PC: variants seen among roughly 807,000 people sequenced by gnomAD.
The protein encoded by PC is pyruvate carboxylase.
PC carries 46 observed loss-of-function variants against 107.8 expected under a neutral mutation model. The observed-to-expected ratio is 0.43, with a 90% confidence interval of 0.34 to 0.55. The LOEUF (loss-of-function observed/expected upper bound fraction) is 0.55, where lower values mean the gene tolerates loss of function less well. PC is among the 20% of genes least tolerant of loss of function. The probability of loss-of-function intolerance (pLI) is 0.04; values close to 1 mark genes in which losing one functional copy is unlikely to be tolerated. For synonymous variants in PC, 662 were observed against 684.7 expected (o/e 0.97, Z 0.52); for missense variants, 1,241 against 1,643.1 (o/e 0.76, Z 4.23).
In PC at chr11:66,850,005, C is replaced by G. The variant is rs747039077; in HGVS notation, c.2830G>C (p.Val944Leu). ...QAEELSFPRSVVEFLQGYIGV... is the reference protein window; with the variant it reads ...QAEELSFPRSLVEFLQGYIGV... ...ATGTAGCCCTGCAGGAACTCCACCACGGAGCGGGGAAAGGACAGCTCTTCC... is the reference window on the plus strand; with the variant it reads ...ATGTAGCCCTGCAGGAACTCCACCAGGGAGCGGGGAAAGGACAGCTCTTCC... Residue 944 changes from valine to leucine, a missense_variant, in exon 20 of 23, where the codon GTG (valine) becomes CTG (leucine). Around this residue, in one of 2 missense-constraint regions of PC, gnomAD observed 1,143 missense variants for 1,551.9 expected, o/e 0.74. Coordinates refer to ENST00000393960, the MANE Select transcript of PC (RefSeq NM_001040716.2). 2 of 1,613,684 alleles carry G rather than the reference C, an allele frequency of 1.2e-6. No homozygotes were observed. Among genetic ancestry groups the G allele is most frequent in the Non-Finnish European group, 1.7e-6 (2 of 1,180,036 alleles).
rs1949506498 is a variant in PC at position 66,954,293 on chromosome 11, T to G, written c.-84A>C. ...AAAGAGCCCAACAGGTGGAATCATA[T>G]TAGAGAGTCTTGAACGCCAAGATGA... On this transcript the variant is annotated 5_prime_UTR_variant, in exon 2 of 23. Coordinates refer to ENST00000393960, the MANE Select transcript of PC (RefSeq NM_001040716.2). The G allele has an allele frequency of 6.6e-6, 1 of 152,244 alleles. No homozygotes were observed. The highest frequency in any genetic ancestry group is 2.4e-5 in the African/African-American group (1 of 41,440). 9.4% of individuals were successfully genotyped at this position (152,244 alleles called of 1,614,324 possible).
chr11:66,866,117 C>T lies in PC; in HGVS notation c.1185+70G>A. 1.3e-6 allele frequency: 2 copies of T among 1,543,050 alleles called. No homozygotes were observed. Among genetic ancestry groups the T allele is most frequent in the Non-Finnish European group, 1.8e-6 (2 of 1,137,064 alleles). On this transcript the variant is annotated intron_variant, in intron 11 of 22. Transcript: ENST00000393960. The surrounding 1 kb of genome is among the most constrained non-coding windows in gnomAD (Gnocchi z 5.4). ...GCCGGGCTGTGGCAACTTGGCACTG[C>T]AGCCCCAGGCACCAGGCAGAACCTG...
Position 66,858,575 on chromosome 11 carries a change from C to A in PC, c.1369-5192G>T. On this transcript the variant is annotated intron_variant, in intron 12 of 22. Transcript: ENST00000393960. The surrounding 1 kb of genome is among the most constrained non-coding windows in gnomAD (Gnocchi z 5.9). ...GGGCAGTGCCCGAGGGCGAGTTCTC[C>A]TGTGAGCCGCCCCTCATTGCCCGCC... The A allele has an allele frequency of 6.5e-7, 1 of 1,532,980 alleles. No homozygotes were observed. Among genetic ancestry groups the A allele is most frequent in the Non-Finnish European group, 8.7e-7 (1 of 1,143,914 alleles). 95.0% of individuals were successfully genotyped at this position (1,532,980 alleles called of 1,614,324 possible). A position where few individuals can be genotyped will look rare whatever the true frequency, so the allele number is the denominator to read the frequency against.
chr11:66,851,642 C>T (rs1057409743), intron 16 of PC, 148 bp downstream of exon 16: 44 of 864,952 alleles, frequency 5.1e-5, no homozygotes, highest in Admixed American at 1.0e-4. Context: ...TTACACTTCT[C>T]GATATTTCCA....
In PC at chr11:66,866,364, G is replaced by A. The variant is rs1176362363; in HGVS notation, c.1023-15C>T. 2 of 1,603,680 alleles carry A rather than the reference G, an allele frequency of 1.2e-6. No individual in the cohort carries two copies. Among genetic ancestry groups the A allele is most frequent in the African/African-American group, 1.3e-5 (1 of 74,660 alleles). The stretch of plus-strand genomic sequence containing the variant: ...CCAGGTCTACGCTGTAGGGCATTGG[G>A]GGGAGGGGGGAAAGGACGGGAGAAA... On this transcript the variant is annotated splice_polypyrimidine_tract_variant and intron_variant, in intron 10 of 22. Coordinates refer to ENST00000393960, the MANE Select transcript of PC (RefSeq NM_001040716.2). This position sits in a 1 kb window ranked among gnomAD's most constrained non-coding sequence, Gnocchi z 5.4.
chr11:66,943,611 C>T (rs975599318), intron 3 of PC, among the ~76,000 whole-genome samples: 7 of 150,766 alleles, frequency 4.6e-5, no homozygotes, highest in Admixed American at 3.3e-4. Context: ...ATTTGCCGGG[C>T]GTGGTGGCAG....
intron 3 of PC, among the ~76,000 whole-genome samples, chr11:66,950,679 T>C (rs999591134): frequency 3.3e-5 from 5 of 152,106 alleles, no homozygotes; most frequent in Non-Finnish European, 5.9e-5. Flanking sequence ...CCCTTCTTGG[T>C]GACTGATTTT....
At chr11:66,872,212 T>G (rs1946766728) in intron 3 of PC, 53 bp from the exon 4 acceptor site, 3 of 1,547,004 alleles carry the variant, frequency 1.9e-6, no homozygotes. Context: ...CTGAGGCTCC[T>G]CAGAATGAGT....
chr11:66,950,083 C>A (rs971413099), intron 3 of PC, among the ~76,000 whole-genome samples: 1 of 152,138 alleles, frequency 6.6e-6, no homozygotes, highest in African/African-American at 2.4e-5. Context: ...CACATTGATA[C>A]ACAGCATGTA....
intron 3 of PC, among the ~76,000 whole-genome samples, chr11:66,938,168 C>T (rs1949044095): frequency 6.6e-6 from 1 of 152,126 alleles, no homozygotes; most frequent in Non-Finnish European, 1.5e-5. Context: ...TGTGTATGAA[C>T]CATACTTTCT....
intron 12 of PC, among the ~76,000 whole-genome samples, chr11:66,863,059 A>T (rs1277048372): frequency 1.3e-5 from 2 of 152,160 alleles, no homozygotes; most frequent in Non-Finnish European, 2.9e-5. Flanking sequence ...ATTATCTGGG[A>T]GGCCAGGCAC....
chr11:66,881,399 C>T (rs1436617647), intron 3 of PC, among the ~76,000 whole-genome samples: 1 of 152,240 alleles, frequency 6.6e-6, no homozygotes, highest in Admixed American at 6.5e-5. Context: ...CTGCTTCCTC[C>T]CCTGCTGCCT....
chr11:66,871,178 G>A lies in PC; in HGVS notation c.507C>T (p.Gly169=), dbSNP rs1172934455. ...GCAGGGACGTGATGGGGGCATCTGT[G>A]CCAGGGACAACGGGAACACCTGTTG... ...AIAAGVPVVP[G]TDAPITSLHE... The change falls in exon 7 of 23, where the codon GGC becomes GGT. Residue 169 remains glycine, a synonymous_variant. Transcript: ENST00000393960. This position sits in a 1 kb window ranked among gnomAD's most constrained non-coding sequence, Gnocchi z 7.4. 2.5e-6 allele frequency: 4 copies of A among 1,613,392 alleles called. No individual in the cohort carries two copies. The highest frequency in any genetic ancestry group is 1.3e-5 in the African/African-American group (1 of 74,928).
intron 12 of PC, chr11:66,860,314 T>TTG (rs1364021906): frequency 4.3e-6 from 6 of 1,402,944 alleles, no homozygotes; most frequent in Non-Finnish European, 5.9e-6. Context: ...CAGGCTCCCC[T>TTG]GTGTACTTGG....
At chr11:66,853,600 TG>T (rs1397375711) in intron 12 of PC, among the ~76,000 whole-genome samples, 2 of 152,170 alleles carry the variant, frequency 1.3e-5, no homozygotes, top group Non-Finnish European at 2.9e-5. Flanking sequence ...CCTCCATACT[TG>T]TTTACACCAA....
chr11:66,856,817 G>A (rs1945869542), intron 12 of PC: 1 of 151,138 alleles, frequency 6.6e-6, no homozygotes, highest in Non-Finnish European at 1.5e-5. Flanking sequence ...GTGCGGTGCA[G>A]GATGCCGGGG....
At chr11:66,950,511 C>T (rs1273945236) in intron 3 of PC, among the ~76,000 whole-genome samples, 1 of 152,288 alleles carries the variant, frequency 6.6e-6, no homozygotes, top group Non-Finnish European at 1.5e-5. Context: ...AACAAAGGGC[C>T]ACATCCATGT....
intron 3 of PC, among the ~76,000 whole-genome samples, chr11:66,936,913 C>G (rs1949015462): frequency 6.6e-6 from 1 of 152,184 alleles, no homozygotes; most frequent in Non-Finnish European, 1.5e-5. Context: ...GATCTTGGCT[C>G]ACTGCAACCT....
chr11:66,955,577 A>G (rs1438970137), intron 1 of PC, among the ~76,000 whole-genome samples: 1 of 152,146 alleles, frequency 6.6e-6, no homozygotes, highest in African/African-American at 2.4e-5. Context: ...TGACAGCCTA[A>G]TTAATTCAAA....
Sources: gnomAD v4.1 joint callset for allele counts (sites outside exome capture counted in the v4.1 genomes callset) on GRCh38, gnomAD v4.1.1 for gene constraint, gnomAD v4.1.1 regional missense constraint, Gnocchi (gnomAD v3.1) non-coding constraint, MANE v1.5 for transcripts, NCBI Gene and HGNC (gene_info 2026-07-23, HGNC 2026-07-21) for gene names.